The following SYNE3 variants were observed in gnomAD, a reference collection of about 807,000 sequenced individuals.
SYNE3 encodes spectrin repeat containing nuclear envelope family member 3, also known as nesprin-3.
A neutral mutation model predicts 111.2 loss-of-function variants in SYNE3; 100 were observed. The observed-to-expected ratio is 0.90, with a 90% confidence interval of 0.77 to 1.06. The LOEUF is 1.06. SYNE3 is among the 50% of genes least tolerant of loss of function. The pLI, the probability that SYNE3 is intolerant of heterozygous loss-of-function variation, is 0.00. For synonymous variants in SYNE3, 547 were observed against 533.9 expected (o/e 1.02, Z -0.34); for missense variants, 1,160 against 1,240.3 (o/e 0.94, Z 0.97).
At chr14:95,446,438 C>T (rs557755292) in intron 8 of SYNE3, among the ~76,000 whole-genome samples, 2 of 152,318 alleles carry the variant, frequency 1.3e-5, no homozygotes, top group Admixed American at 6.5e-5. Flanking sequence ...GACCACACAG[C>T]TCCTGAATGG....
At chr14:95,471,862 G>A (rs1337420342) in intron 2 of SYNE3, among the ~76,000 whole-genome samples, 2 of 152,212 alleles carry the variant, frequency 1.3e-5, no homozygotes, top group Non-Finnish European at 2.9e-5. Flanking sequence ...ACACCTTGGA[G>A]AGAAGTATCA....
chr14:95,484,906 C>T (rs1018335783), intron 1 of SYNE3, among the ~76,000 whole-genome samples: 1 of 152,242 alleles, frequency 6.6e-6, no homozygotes. Flanking sequence ...GATTCTCACA[C>T]TGGCGCCTGC....
intron 17 of SYNE3, among the ~76,000 whole-genome samples, chr14:95,419,086 T>A (rs1486294437): frequency 1.1e-4 from 17 of 152,188 alleles, no homozygotes; most frequent in Admixed American, 1.1e-3. Flanking sequence ...CAAGAAAACA[T>A]TTCCTAAGTT....
chr14:95,513,737 T>A (rs7159618), intron 1 of SYNE3, among the ~76,000 whole-genome samples: 17 of 92,500 alleles, frequency 1.8e-4, no homozygotes, highest in African/African-American at 6.1e-4. Flanking sequence ...GCTGCTTAGA[T>A]TATATATATA....
chr14:95,489,472 C>G (rs992377318), intron 1 of SYNE3, among the ~76,000 whole-genome samples: 2 of 152,252 alleles, frequency 1.3e-5, no homozygotes, highest in African/African-American at 4.8e-5. Context: ...CTGGGCACAG[C>G]CCTTGCCTAT....
intron 1 of SYNE3, among the ~76,000 whole-genome samples, chr14:95,508,204 G>A (rs1355407793): frequency 6.6e-6 from 1 of 152,206 alleles, no homozygotes; most frequent in African/African-American, 2.4e-5. Flanking sequence ...TCTGCCAAAT[G>A]GTAACAACAT....
chr14:95,417,395 T>C lies in SYNE3; in HGVS notation c.*431A>G, dbSNP rs990220044. On this transcript the variant is annotated 3_prime_UTR_variant, in exon 18 of 18. Coordinates refer to ENST00000682763, the MANE Select transcript of SYNE3 (RefSeq NM_152592.6). ...CAGAGGCCTTTCATTACATCTGAAT[T>C]CTGGGATTCGCTTTGGAGAAGAGGT... 1 of 240,544 alleles carries C rather than the reference T, an allele frequency of 4.2e-6. No homozygotes were observed. Among genetic ancestry groups the C allele is most frequent in the African/African-American group, 2.2e-5 (1 of 45,274 alleles). The allele number at this position is 240,544 out of a possible 1,614,324, so 14.9% of individuals were successfully genotyped here.
At chr14:95,505,611 A>C (rs1476107994) in intron 1 of SYNE3, among the ~76,000 whole-genome samples, 1 of 150,844 alleles carries the variant, frequency 6.6e-6, no homozygotes, top group Non-Finnish European at 1.5e-5. Flanking sequence ...CTTTAATTTG[A>C]CCCATTTAAA....
At chr14:95,463,582 G>T (rs1673785095) in intron 4 of SYNE3, among the ~76,000 whole-genome samples, 1 of 152,244 alleles carries the variant, frequency 6.6e-6, no homozygotes, top group Non-Finnish European at 1.5e-5. Context: ...GTCCCAGCTG[G>T]GCCAGAGGGG....
chr14:95,451,256 T>G (rs999662281), intron 7 of SYNE3: 2 of 152,150 alleles, frequency 1.3e-5, no homozygotes, highest in African/African-American at 4.8e-5. Context: ...TGAAGATAAA[T>G]TATGGAGACC....
intron 4 of SYNE3, among the ~76,000 whole-genome samples, chr14:95,460,956 G>A (rs1887772426): frequency 6.6e-6 from 1 of 152,212 alleles, no homozygotes; most frequent in Admixed American, 6.5e-5. Flanking sequence ...GTAAATAAAA[G>A]TCTGTGTGAT....
At chr14:95,490,136 T>C (rs1472690730) in intron 1 of SYNE3, among the ~76,000 whole-genome samples, 2 of 152,376 alleles carry the variant, frequency 1.3e-5, no homozygotes, top group East Asian at 3.9e-4. Flanking sequence ...CTTGGGGCTT[T>C]TTCTAACGGA....
chr14:95,441,014 G>A (rs1325659298), intron 11 of SYNE3, among the ~76,000 whole-genome samples: 1 of 152,168 alleles, frequency 6.6e-6, no homozygotes, highest in Non-Finnish European at 1.5e-5. Context: ...TCCCCAGAAG[G>A]GCAGCCATTC....
At chr14:95,469,540 A>G (rs1340052580) in intron 2 of SYNE3, among the ~76,000 whole-genome samples, 3 of 83,142 alleles carry the variant, frequency 3.6e-5, no homozygotes, top group African/African-American at 1.3e-4. Context: ...ACAAAAAAAA[A>G]AAAAAAAAAA....
rs1242280955 is a variant in SYNE3 at position 95,409,232 on chromosome 14, G to T, written c.*8594C>A. 1 of 456,696 alleles carries T rather than the reference G, an allele frequency of 2.2e-6. No homozygotes were observed. The highest frequency in any genetic ancestry group is 2.0e-5 in the African/African-American group (1 of 50,184). 28.3% of individuals were successfully genotyped at this position (456,696 alleles called of 1,614,324 possible). A position where few individuals can be genotyped will look rare whatever the true frequency, so the allele number is the denominator to read the frequency against. On this transcript the variant is annotated 3_prime_UTR_variant, in exon 18 of 18. Transcript: ENST00000682763. ...CTCCCCGCCTAGCTGGCTGCTCTGA[G>T]GCAGGCTGCTGACCCTCTCCACACT... is the stretch of plus-strand genomic sequence containing the variant.
In SYNE3 at chr14:95,455,698, G is replaced by A. The variant is rs201192292; in HGVS notation, c.816C>T (p.Gly272=). The A allele has an allele frequency of 3.2e-5, 51 of 1,614,102 alleles. 1 individual carries two copies. The Middle Eastern group carries it at 8.2e-4, about 26-fold the overall frequency. The change falls in exon 6 of 18, where the codon GGC becomes GGT. Residue 272 remains glycine, a synonymous_variant. Coordinates refer to ENST00000682763, the MANE Select transcript of SYNE3 (RefSeq NM_152592.6). ...CCTCCAGCGTCTCCAGAGACTCCTC[G>A]CCCCTGGGAAAATCTTTGGCAATGT... The part of the protein sequence containing the change: ...LQDIAKDFPR[G]EESLETLEEQ...
At chr14:95,444,260 C>G (rs1886573757) in intron 10 of SYNE3, 1 of 521,878 alleles carries the variant, frequency 1.9e-6, no homozygotes, top group Admixed American at 3.7e-5. Flanking sequence ...AACAGAAAGA[C>G]AGTTTGTCAT....
Position 95,445,950 on chromosome 14 carries a change from G to C in SYNE3, c.1591C>G (p.Leu531Val), listed in dbSNP as rs990676732. ...QVAGSMRDRDLLHNSLLQRKS... is the reference protein window; with the variant it reads ...QVAGSMRDRDVLHNSLLQRKS... ...CTCTGCAGGAGGCTGTTATGCAGCA[G>C]GTCTCTGTCCCTCATGGAACCTGCC... The change falls in exon 9 of 18, where the codon CTG becomes GTG. Residue 531 changes from leucine (L) to valine (V), a missense_variant. Coordinates refer to ENST00000682763, the MANE Select transcript of SYNE3 (RefSeq NM_152592.6). 6.2e-6 allele frequency: 10 copies of C among 1,614,156 alleles called. No individual in the cohort carries two copies. The highest frequency in any genetic ancestry group is 8.5e-6 in the Non-Finnish European group (10 of 1,180,050).
chr14:95,502,688 C>A (rs984296661), intron 1 of SYNE3, among the ~76,000 whole-genome samples: 1 of 152,152 alleles, frequency 6.6e-6, no homozygotes, highest in South Asian at 2.1e-4. Flanking sequence ...CACGTACAAC[C>A]GGTCAGGAAC....
Sources: allele counts gnomAD v4.1 joint callset (sites outside exome capture counted in the v4.1 genomes callset), GRCh38; gene constraint gnomAD v4.1.1; transcripts MANE v1.5; gene names NCBI Gene and HGNC (gene_info 2026-07-23, HGNC 2026-07-21).